Variants in SASH1 observed in about 807,000 individuals in gnomAD.
The protein encoded by SASH1 is SAM and SH3 domain-containing protein 1.
Under a neutral mutation model 125.2 loss-of-function variants are expected in SASH1, and 44 were observed. The ratio of observed to expected loss-of-function variants is 0.35; its 90% CI spans 0.28 to 0.45. The LOEUF (loss-of-function observed/expected upper bound fraction) is 0.45. SASH1 is among the 20% of genes least tolerant of loss of function. The pLI is 1.00. For synonymous variants in SASH1, 639 were observed against 649.1 expected (o/e 0.98, Z 0.24); for missense variants, 1,426 against 1,614.5 (o/e 0.88, Z 2.00).
Position 148,519,951 on chromosome 6 carries a change from G to A in SASH1, c.1209+58G>A. 1 of 1,242,312 alleles carries A rather than the reference G, an allele frequency of 8.0e-7. No homozygotes were observed. The highest frequency in any genetic ancestry group is 1.1e-6 in the Non-Finnish European group (1 of 900,894). 77.0% of individuals were successfully genotyped at this position (1,242,312 alleles called of 1,614,324 possible). ...CCACCGTCGCAGGCACCACCTTCTG[G>A]TGTCCCTGGAGGAGTTTCAGAGTGT... On this transcript the variant is annotated intron_variant, in intron 10 of 19. Transcript: ENST00000367467. This position sits in a 1 kb window ranked among gnomAD's most constrained non-coding sequence, Gnocchi z 4.8.
At chr6:148,444,602 A>G (rs73013165) in intron 4 of SASH1, among the ~76,000 whole-genome samples, 25,287 of 152,176 alleles carry the variant, frequency 0.17, 2,441 homozygotes, top group East Asian at 0.28. Context: ...TGGTCTCTCC[A>G]TATGCTTTCA....
Position 148,456,873 on chromosome 6 carries a change from C to CAATAATAATAATAATAATAATAAT in SASH1, c.387-11667_387-11644dup, listed in dbSNP as rs56067798. 6.0e-3 allele frequency among the ~76,000 whole-genome samples: 848 copies of CAATAATAATAATAATAATAATAAT among 142,288 alleles called. 14 individuals carry two copies. Among genetic ancestry groups the CAATAATAATAATAATAATAATAAT allele is most frequent in the Admixed American group, 0.03 (424 of 13,964 alleles). The allele number at this position is 142,288 out of a possible 152,430, so 93.3% of individuals were successfully genotyped here. A position where few individuals can be genotyped will look rare whatever the true frequency, so the allele number is the denominator to read the frequency against. ...GAGTGAGACCCAGAGTGTCTCATAA[C>CAATAATAATAATAATAATAATAAT]AATAATAATAATAATAATAATAATA... is the stretch of plus-strand genomic sequence containing the variant. On this transcript the variant is annotated intron_variant, in intron 4 of 19. Transcript: ENST00000367467.
the SASH1 span, among the ~76,000 whole-genome samples, chr6:148,217,397 A>G: frequency 6.6e-6 from 1 of 152,256 alleles, no homozygotes; most frequent in Non-Finnish European, 1.5e-5. Flanking sequence ...GTGACACTCC[A>G]TAACCCAGTG....
At chr6:148,261,390 C>T in the SASH1 span, among the ~76,000 whole-genome samples, 1 of 152,084 alleles carries the variant, frequency 6.6e-6, no homozygotes, top group Admixed American at 6.5e-5. Context: ...AAAACATGTG[C>T]CTCTCTCCCT....
chr6:148,326,106 C>A (rs888668135), intron 1 of SASH1, among the ~76,000 whole-genome samples: 3 of 150,090 alleles, frequency 2.0e-5, no homozygotes, highest in Admixed American at 6.7e-5. Flanking sequence ...CCACTCACTG[C>A]AATCTCCACC....
chr6:148,299,336 T>G (rs745491329), intron 1 of SASH1, among the ~76,000 whole-genome samples: 1 of 152,050 alleles, frequency 6.6e-6, no homozygotes, highest in Non-Finnish European at 1.5e-5. Context: ...TTTTTAGCAT[T>G]TATTGGTGCT....
chr6:148,325,876 C>T (rs777742422), intron 1 of SASH1, among the ~76,000 whole-genome samples: 2 of 152,002 alleles, frequency 1.3e-5, no homozygotes, highest in Non-Finnish European at 2.9e-5. Flanking sequence ...TAACCTCTTG[C>T]CTGGATTAGT....
chr6:148,487,203 C>G lies in SASH1; in HGVS notation c.628-411C>G, dbSNP rs567924352. Among the ~76,000 whole-genome samples, 7 of 150,238 alleles carry G rather than the reference C, an allele frequency of 4.7e-5. No homozygotes were observed. In the South Asian group the frequency reaches 1.5e-3, roughly 32 times the overall value. The stretch of plus-strand genomic sequence containing the variant: ...TGTCATTTTCTCTTCCTAAAAAGGG[C>G]ATGCATGTTTTTGACTTACACACTT... On this transcript the variant is annotated intron_variant, in intron 7 of 19. Coordinates refer to ENST00000367467, the MANE Select transcript of SASH1 (RefSeq NM_015278.5).
At chr6:148,425,772 C>G (rs1775792766) in intron 2 of SASH1, among the ~76,000 whole-genome samples, 2 of 142,778 alleles carry the variant, frequency 1.4e-5, no homozygotes, top group East Asian at 4.4e-4. Context: ...CCCTGTGTCC[C>G]CCAGGCTGGA....
At chr6:148,490,023 A>AC (rs1169497359) in intron 8 of SASH1, among the ~76,000 whole-genome samples, 2 of 146,736 alleles carry the variant, frequency 1.4e-5, no homozygotes, top group Admixed American at 6.9e-5. Flanking sequence ...TAAAAAAAAA[A>AC]AAAAAAAAAA....
At chr6:148,262,129 T>C in the SASH1 span, among the ~76,000 whole-genome samples, 2 of 152,094 alleles carry the variant, frequency 1.3e-5, no homozygotes, top group African/African-American at 4.8e-5. Flanking sequence ...CGCACGGGCT[T>C]GCACGCATTT....
intron 1 of SASH1, among the ~76,000 whole-genome samples, chr6:148,347,059 GTTTT>G (rs1781546128): frequency 6.6e-6 from 1 of 152,196 alleles, no homozygotes; most frequent in South Asian, 2.1e-4. Flanking sequence ...GAGGGAAGTT[GTTTT>G]TAAGAGCGGG....
chr6:148,539,027 G>A (rs1374606526), intron 16 of SASH1, among the ~76,000 whole-genome samples: 1 of 151,876 alleles, frequency 6.6e-6, no homozygotes, highest in Non-Finnish European at 1.5e-5. Context: ...GGGTGTTGAA[G>A]GCCCTCGTGG....
At chr6:148,385,173 A>G (rs1445670944) in intron 1 of SASH1, among the ~76,000 whole-genome samples, 3 of 152,136 alleles carry the variant, frequency 2.0e-5, no homozygotes, top group Non-Finnish European at 4.4e-5. Flanking sequence ...CCCTTTTCTA[A>G]TTATTATCTG....
chr6:148,409,483 T>C (rs1306411100), intron 2 of SASH1, among the ~76,000 whole-genome samples: 3 of 152,256 alleles, frequency 2.0e-5, no homozygotes, highest in African/African-American at 7.2e-5. Context: ...GGCTGTCTTC[T>C]ACCAGTACCA....
intron 1 of SASH1, among the ~76,000 whole-genome samples, chr6:148,381,423 C>T (rs1193227724): frequency 6.6e-6 from 1 of 152,000 alleles, no homozygotes; most frequent in Non-Finnish European, 1.5e-5. Flanking sequence ...TGACATTTCC[C>T]CAAGGGAGCA....
At chr6:148,204,884 T>A in the SASH1 span, among the ~76,000 whole-genome samples, 1 of 152,174 alleles carries the variant, frequency 6.6e-6, no homozygotes, top group African/African-American at 2.4e-5. Flanking sequence ...TACCTTACAT[T>A]TGCATGAGCT....
At chr6:148,213,533 T>TGTGTGTGTGTGTGTGTGTGTGTGTG in the SASH1 span, among the ~76,000 whole-genome samples, 2 of 151,388 alleles carry the variant, frequency 1.3e-5, no homozygotes, top group Non-Finnish European at 2.9e-5. Context: ...TGTGTGTGTG[T>TGTGTGTGTGTGTGTGTGTGTGTGTG]TTAAAGTGTT....
chr6:148,278,538 T>G (rs918889840), intron 1 of SASH1: 1 of 152,062 alleles, frequency 6.6e-6, no homozygotes, highest in Non-Finnish European at 1.5e-5. Flanking sequence ...TACTTTTAAA[T>G]TTAATTTAAA....
Sources: gnomAD v4.1 joint callset for allele counts (sites outside exome capture counted in the v4.1 genomes callset) on GRCh38, gnomAD v4.1.1 for gene constraint, Gnocchi (gnomAD v3.1) non-coding constraint, MANE v1.5 for transcripts, NCBI Gene and HGNC (gene_info 2026-07-23, HGNC 2026-07-21) for gene names.